ATXN1: variants seen among roughly 807,000 people sequenced by gnomAD.
The protein encoded by ATXN1 is ataxin 1, also known as ataxin-1.
ATXN1 carries 8 observed loss-of-function variants against 56.4 expected under a neutral mutation model. The observed-to-expected ratio is 0.14, with a 90% CI of 0.08 to 0.26. The LOEUF (loss-of-function observed/expected upper bound fraction) is 0.26. ATXN1 is among the 10% of genes least tolerant of loss of function. The pLI is 1.00. For missense variants in ATXN1, 987 were observed against 1,106.5 expected, an observed-to-expected ratio of 0.89 and a Z score of 1.53; for synonymous variants, 514 against 494.6, an observed-to-expected ratio of 1.04 and a Z score of -0.52.
intron 3 of ATXN1, among the ~76,000 whole-genome samples, chr6:16,651,457 T>A (rs1221241075): frequency 6.7e-6 from 1 of 150,354 alleles, no homozygotes; most frequent in Non-Finnish European, 1.5e-5. Flanking sequence ...GGCAGGAGAA[T>A]CCCTTGAACC....
At chr6:16,325,514 C>G (rs930466815) in intron 7 of ATXN1, among the ~76,000 whole-genome samples, 4 of 152,072 alleles carry the variant, frequency 2.6e-5, no homozygotes, top group African/African-American at 9.7e-5. Flanking sequence ...TCTAACCAAT[C>G]CTAAACCCGT....
intron 4 of ATXN1, among the ~76,000 whole-genome samples, chr6:16,542,860 A>G (rs1761741943): frequency 1.3e-5 from 2 of 152,232 alleles, no homozygotes; most frequent in Admixed American, 1.3e-4. Flanking sequence ...ATAAAATAGA[A>G]CAATCATAAC....
chr6:16,575,405 C>A (rs1762404187), intron 4 of ATXN1, among the ~76,000 whole-genome samples: 1 of 152,118 alleles, frequency 6.6e-6, no homozygotes, highest in Admixed American at 6.5e-5. Flanking sequence ...AGAGTCATTC[C>A]TTTTCCCTTA....
chr6:16,369,482 A>G (rs1261916321), intron 6 of ATXN1, among the ~76,000 whole-genome samples: 2 of 152,244 alleles, frequency 1.3e-5, no homozygotes, highest in Non-Finnish European at 2.9e-5. Context: ...CGCTACAGAA[A>G]TGAGCAGCAG....
intron 6 of ATXN1, among the ~76,000 whole-genome samples, chr6:16,419,420 CTTTG>C (rs1758986332): frequency 6.6e-6 from 1 of 151,726 alleles, no homozygotes; most frequent in Non-Finnish European, 1.5e-5. Flanking sequence ...ATCATATACT[CTTTG>C]TATTTTATAA....
chr6:16,382,421 C>T (rs1054308844), intron 6 of ATXN1, among the ~76,000 whole-genome samples: 2 of 152,012 alleles, frequency 1.3e-5, no homozygotes, highest in African/African-American at 4.8e-5. Context: ...TATGATCGTG[C>T]CAGTGCTCTC....
intron 6 of ATXN1, among the ~76,000 whole-genome samples, chr6:16,371,886 G>T (rs995269369): frequency 1.3e-5 from 2 of 151,950 alleles, no homozygotes; most frequent in African/African-American, 2.4e-5. Flanking sequence ...GCCCATACAG[G>T]TGTTTTAATT....
intron 2 of ATXN1, chr6:16,739,188 A>C (rs1760247154): frequency 6.6e-6 from 1 of 151,534 alleles, no homozygotes; most frequent in Admixed American, 6.6e-5. Flanking sequence ...AAAAAAAAAA[A>C]ACCCTGACAT....
At chr6:16,693,078 G>C (rs1759083428) in intron 2 of ATXN1, among the ~76,000 whole-genome samples, 1 of 152,156 alleles carries the variant, frequency 6.6e-6, no homozygotes, top group African/African-American at 2.4e-5. Flanking sequence ...CCTCTCAGTG[G>C]CCTCAGCTCT....
intron 2 of ATXN1, among the ~76,000 whole-genome samples, chr6:16,690,755 C>T (rs56142053): frequency 0.099 from 15,035 of 152,052 alleles, 808 homozygotes; most frequent in Middle Eastern, 0.14. Context: ...AGTGACCTGC[C>T]GAGCCACAGT....
chr6:16,561,404 A>C (rs558389080), intron 4 of ATXN1, among the ~76,000 whole-genome samples: 6 of 152,284 alleles, frequency 3.9e-5, no homozygotes, highest in African/African-American at 1.2e-4. Flanking sequence ...CCACAGATAC[A>C]TTTTGCTAAG....
At chr6:16,398,728 A>G (rs17591931) in intron 6 of ATXN1, among the ~76,000 whole-genome samples, 29,903 of 152,200 alleles carry the variant, frequency 0.2, 3,130 homozygotes, top group Middle Eastern at 0.31. Context: ...AATATGTCTA[A>G]AATGATTTTA....
intron 2 of ATXN1, among the ~76,000 whole-genome samples, chr6:16,724,008 C>T (rs1292311272): frequency 6.6e-6 from 1 of 152,172 alleles, no homozygotes; most frequent in African/African-American, 2.4e-5. Context: ...AGCATGATGA[C>T]TTCACGTTCA....
intron 6 of ATXN1, among the ~76,000 whole-genome samples, chr6:16,406,477 A>G (rs1267242415): frequency 6.6e-6 from 1 of 152,260 alleles, no homozygotes; most frequent in Non-Finnish European, 1.5e-5. Context: ...TAATGTAAAA[A>G]GTAAAGTAGA....
intron 4 of ATXN1, among the ~76,000 whole-genome samples, chr6:16,524,961 A>C (rs2327981): frequency 0.31 from 47,798 of 152,108 alleles, 7,586 homozygotes; most frequent in Non-Finnish European, 0.34. Context: ...CTGAGGCAGG[A>C]AAATTGCTTG....
At chr6:16,348,543 A>G (rs1426496226) in intron 6 of ATXN1, among the ~76,000 whole-genome samples, 1 of 152,094 alleles carries the variant, frequency 6.6e-6, no homozygotes, top group African/African-American at 2.4e-5. Flanking sequence ...TACTAAAAAT[A>G]CAAAAAAAAT....
intron 6 of ATXN1, among the ~76,000 whole-genome samples, chr6:16,353,470 C>T (rs1022852577): frequency 1.3e-5 from 2 of 152,040 alleles, no homozygotes; most frequent in African/African-American, 2.4e-5. Flanking sequence ...GTCAGGAGTT[C>T]GAGACCAGCC....
chr6:16,340,174 GAAGT>G (rs1160696994), intron 6 of ATXN1, among the ~76,000 whole-genome samples: 1 of 152,344 alleles, frequency 6.6e-6, no homozygotes, highest in Admixed American at 6.5e-5. Context: ...CTGCCTCACA[GAAGT>G]ATGTTTATTG....
At chr6:16,426,776 C>T (rs552122026) in intron 6 of ATXN1, among the ~76,000 whole-genome samples, 2 of 152,030 alleles carry the variant, frequency 1.3e-5, no homozygotes, top group South Asian at 4.2e-4. Context: ...TTGTTTCCCT[C>T]CCCCTCTATC....
Sources: allele counts gnomAD v4.1 joint callset (sites outside exome capture counted in the v4.1 genomes callset), GRCh38; gene constraint gnomAD v4.1.1; transcripts MANE v1.5; gene names NCBI Gene and HGNC (gene_info 2026-07-23, HGNC 2026-07-21).